The following ADGRL3 variants were observed in gnomAD, a reference collection of about 807,000 sequenced individuals.
The protein encoded by ADGRL3 is adhesion G protein-coupled receptor L3.
In ADGRL3, 62 loss-of-function variants were observed where a neutral mutation model predicts 153.5. The observed-to-expected ratio is 0.40, with a 90% CI of 0.33 to 0.50. The LOEUF (loss-of-function observed/expected upper bound fraction) is 0.50. Ranked by LOEUF, ADGRL3 falls within the 20% of genes least tolerant of loss-of-function variation. The probability of loss-of-function intolerance (pLI) is 0.47; values close to 1 mark genes in which losing one functional copy is unlikely to be tolerated. For missense variants in ADGRL3, 1,641 were observed against 1,859.4 expected (o/e 0.88, Z 2.16); for synonymous variants, 710 against 672.5 (o/e 1.06, Z -0.86).
intron 25 of ADGRL3, among the ~76,000 whole-genome samples, chr4:62,045,402 T>A (rs1383438539): frequency 1.3e-5 from 2 of 152,008 alleles, no homozygotes; most frequent in Non-Finnish European, 2.9e-5. Flanking sequence ...GAAGGAGGCA[T>A]TTGCATGAAT....
intron 2 of ADGRL3, among the ~76,000 whole-genome samples, chr4:61,432,896 G>A (rs1014341418): frequency 7.3e-5 from 11 of 151,176 alleles, no homozygotes; most frequent in African/African-American, 1.9e-4. Context: ...CAGTTGATCC[G>A]CCTGCCTCAA....
At chr4:61,769,565 AC>A (rs2097055861) in intron 8 of ADGRL3, among the ~76,000 whole-genome samples, 1 of 151,982 alleles carries the variant, frequency 6.6e-6, no homozygotes, top group Non-Finnish European at 1.5e-5. Context: ...ATGTGAAGAG[AC>A]CACCAAACAG....
intron 1 of ADGRL3, among the ~76,000 whole-genome samples, chr4:61,215,583 G>A (rs4860087): frequency 0.61 from 80,717 of 131,462 alleles, 24,761 homozygotes; most frequent in Admixed American, 0.71. Context: ...ATGGAGTCTC[G>A]CTCTGCTTCT....
At chr4:61,362,333 T>TAC (rs2096297987) in intron 1 of ADGRL3, among the ~76,000 whole-genome samples, 1 of 150,218 alleles carries the variant, frequency 6.7e-6, no homozygotes, top group Non-Finnish European at 1.5e-5. Context: ...AAATTATATA[T>TAC]ATATATATAT....
intron 1 of ADGRL3, among the ~76,000 whole-genome samples, chr4:61,218,624 C>T (rs1743966531): frequency 6.6e-6 from 1 of 152,184 alleles, no homozygotes; most frequent in Non-Finnish European, 1.5e-5. Context: ...GTGTGCCCAG[C>T]TTGAGTGCTT....
At chr4:61,307,419 C>A (rs565459013) in intron 1 of ADGRL3, among the ~76,000 whole-genome samples, 1 of 152,048 alleles carries the variant, frequency 6.6e-6, no homozygotes, top group Non-Finnish European at 1.5e-5. Flanking sequence ...AAGTACCTTG[C>A]CCAAATTCAC....
intron 4 of ADGRL3, among the ~76,000 whole-genome samples, chr4:61,539,270 G>A (rs372806674): frequency 1.3e-5 from 2 of 152,200 alleles, no homozygotes; most frequent in African/African-American, 4.8e-5. Flanking sequence ...GGGCACTGAT[G>A]CCAGCCCCCA....
chr4:62,070,983 T>C lies in ADGRL3; in HGVS notation c.*75T>C, dbSNP rs1358926183. On this transcript the variant is annotated 3_prime_UTR_variant, in exon 27 of 27. Coordinates refer to ENST00000683033, the MANE Select transcript of ADGRL3 (RefSeq NM_001387552.1). Reference sequence around the variant, plus strand: ...TGTTCTGAGTTGATATAAGCAGTGGTAATAATGTGTGTACTCCTAAATCTT... The same window carrying C: ...TGTTCTGAGTTGATATAAGCAGTGGCAATAATGTGTGTACTCCTAAATCTT... 4.2e-6 allele frequency: 5 copies of C among 1,199,868 alleles called. No homozygotes were observed. The highest frequency in any genetic ancestry group is 5.1e-5 in the East Asian group (2 of 39,038). 74.3% of individuals were successfully genotyped at this position (1,199,868 alleles called of 1,614,324 possible).
intron 6 of ADGRL3, among the ~76,000 whole-genome samples, chr4:61,720,737 A>G (rs2096227938): frequency 2.0e-5 from 3 of 152,196 alleles, no homozygotes; most frequent in Admixed American, 1.3e-4. Context: ...TGCCTTTGTA[A>G]TATTGAAATC....
chr4:61,822,979 T>C (rs895299124), intron 9 of ADGRL3, among the ~76,000 whole-genome samples: 1 of 152,196 alleles, frequency 6.6e-6, no homozygotes, highest in Non-Finnish European at 1.5e-5. Context: ...CCGATGTTGA[T>C]TCTCCCCTTG....
chr4:61,529,058 T>C (rs953253672), intron 4 of ADGRL3, among the ~76,000 whole-genome samples: 2 of 152,178 alleles, frequency 1.3e-5, no homozygotes, highest in African/African-American at 2.4e-5. Flanking sequence ...AGTCAATGAA[T>C]AACAATCTGG....
intron 3 of ADGRL3, among the ~76,000 whole-genome samples, chr4:61,508,882 G>A (rs1415349364): frequency 6.6e-6 from 1 of 152,134 alleles, no homozygotes; most frequent in African/African-American, 2.4e-5. Context: ...ATCATGGCGG[G>A]AGGCAAGAGC....
At chr4:61,449,125 T>A (rs931689815) in intron 2 of ADGRL3, among the ~76,000 whole-genome samples, 11 of 152,032 alleles carry the variant, frequency 7.2e-5, no homozygotes, top group East Asian at 5.8e-4. Context: ...TTTTATTTTT[T>A]ATTTAATTTA....
At chr4:61,244,966 G>A (rs1424948924) in intron 1 of ADGRL3, among the ~76,000 whole-genome samples, 1 of 151,982 alleles carries the variant, frequency 6.6e-6, no homozygotes, top group African/African-American at 2.4e-5. Flanking sequence ...AGGATTCACT[G>A]AATGGGGCAC....
At chr4:62,064,305 T>C (rs1741775465) in intron 25 of ADGRL3, among the ~76,000 whole-genome samples, 1 of 151,768 alleles carries the variant, frequency 6.6e-6, no homozygotes, top group African/African-American at 2.4e-5. Context: ...ATCCTCCAGC[T>C]TGAAAATGAT....
chr4:61,890,915 T>G (rs2149584635), intron 9 of ADGRL3, among the ~76,000 whole-genome samples: 1 of 152,302 alleles, frequency 6.6e-6, no homozygotes, highest in South Asian at 2.1e-4. Context: ...TTGTAGGTAA[T>G]GTTTTCTTTT....
intron 17 of ADGRL3, 23 bp from the exon 18 acceptor site, chr4:61,979,540 T>G: frequency 6.2e-7 from 1 of 1,608,924 alleles, no homozygotes; most frequent in Non-Finnish European, 8.5e-7. Flanking sequence ...GCGCAACTTA[T>G]GGCTTTTTCA....
chr4:61,797,688 G>T (rs2097431253), intron 8 of ADGRL3, among the ~76,000 whole-genome samples: 1 of 151,552 alleles, frequency 6.6e-6, no homozygotes, highest in Non-Finnish European at 1.5e-5. Flanking sequence ...CTGCATGTTT[G>T]TTCCAAATAG....
At chr4:61,909,184 C>T (rs2098710398) in intron 11 of ADGRL3, among the ~76,000 whole-genome samples, 1 of 152,176 alleles carries the variant, frequency 6.6e-6, no homozygotes. Flanking sequence ...AAAATTTGCA[C>T]TTGCCTCTGA....
Sources: allele counts gnomAD v4.1 joint callset (sites outside exome capture counted in the v4.1 genomes callset), GRCh38; gene constraint gnomAD v4.1.1; transcripts MANE v1.5; gene names NCBI Gene and HGNC (gene_info 2026-07-23, HGNC 2026-07-21).